The following SPTSSA variants were observed in gnomAD, a reference collection of about 807,000 sequenced individuals.
SPTSSA encodes the protein small subunit of serine palmitoyltransferase A.
In SPTSSA, 8 loss-of-function variants were observed where a neutral mutation model predicts 9.1. The observed-to-expected ratio is 0.88, with a 90% CI of 0.51 to 1.58. The LOEUF (loss-of-function observed/expected upper bound fraction) is 1.58, where lower values mean the gene tolerates loss of function less well. Among genes scored for constraint, SPTSSA ranks in the 40% most tolerant of loss-of-function variants. SPTSSA has a pLI of 0.00. For synonymous variants in SPTSSA, 42 were observed against 37.7 expected (o/e 1.11, Z -0.41); for missense variants, 100 against 93.8 (o/e 1.07, Z -0.27).
intron 1 of SPTSSA, 109 bp downstream of exon 1, chr14:34,461,987 G>C (rs1392234777): frequency 1.4e-5 from 9 of 646,702 alleles, no homozygotes; most frequent in Non-Finnish European, 1.7e-5. Flanking sequence ...GCACAGGACC[G>C]GCGGGGCCGC....
chr14:34,439,203 A>G (rs1007231203), intron 1 of SPTSSA, among the ~76,000 whole-genome samples: 3 of 152,314 alleles, frequency 2.0e-5, no homozygotes, highest in African/African-American at 7.2e-5. Context: ...TTATCTGTCA[A>G]TCATTGGTTA....
At chr14:34,435,383 T>G in intron 1 of SPTSSA, 79 bp from the exon 2 acceptor site, 1 of 973,602 alleles carries the variant, frequency 1.0e-6, no homozygotes, top group South Asian at 1.6e-5. Flanking sequence ...AACTCTTTTA[T>G]GCTGAAGTAC....
At chr14:34,460,377 G>A (rs191218651) in intron 1 of SPTSSA, among the ~76,000 whole-genome samples, 19 of 151,896 alleles carry the variant, frequency 1.3e-4, no homozygotes, top group Non-Finnish European at 5.9e-5. Flanking sequence ...ACTACTTGTC[G>A]CTAAACCATG....
chr14:34,447,700 C>A (rs1387036279), intron 1 of SPTSSA, among the ~76,000 whole-genome samples: 1 of 152,140 alleles, frequency 6.6e-6, no homozygotes, highest in Non-Finnish European at 1.5e-5. Context: ...CCCCAACAGA[C>A]CAAACCAAAC....
intron 1 of SPTSSA, among the ~76,000 whole-genome samples, chr14:34,461,754 CAG>C (rs1418527194): frequency 6.6e-6 from 1 of 152,222 alleles, no homozygotes; most frequent in African/African-American, 2.4e-5. Flanking sequence ...CCTACAGGAA[CAG>C]GGGACTGAAC....
At chr14:34,438,510 A>G (rs116061618) in intron 1 of SPTSSA, among the ~76,000 whole-genome samples, 1,741 of 152,248 alleles carry the variant, frequency 0.011, 35 homozygotes, top group African/African-American at 0.039. Context: ...CTGCAGACAG[A>G]TATTTCTACC....
chr14:34,439,314 C>CA (rs556039100), intron 1 of SPTSSA, among the ~76,000 whole-genome samples: 35 of 152,108 alleles, frequency 2.3e-4, no homozygotes, highest in Non-Finnish European at 4.6e-4. Context: ...AGCCAACACT[C>CA]ACGGAGGCTT....
At chr14:34,443,232 TGTGTG>T in intron 1 of SPTSSA, among the ~76,000 whole-genome samples, 1 of 89,346 alleles carries the variant, frequency 1.1e-5, no homozygotes, top group African/African-American at 5.3e-5. Context: ...TGTGTGTGTG[TGTGTG>T]TTTTGAGATG....
chr14:34,454,459 C>T (rs1883578588), intron 1 of SPTSSA, among the ~76,000 whole-genome samples: 3 of 152,154 alleles, frequency 2.0e-5, no homozygotes, highest in South Asian at 4.1e-4. Flanking sequence ...TCAACCTTTA[C>T]CAACCAAAAA....
chr14:34,461,148 T>C (rs1878608051), intron 1 of SPTSSA, among the ~76,000 whole-genome samples: 1 of 152,200 alleles, frequency 6.6e-6, no homozygotes, highest in African/African-American at 2.4e-5. Context: ...ACTAAACATG[T>C]TTTGTGAAAT....
Position 34,462,192 on chromosome 14 carries a change from G to A in SPTSSA, c.16C>T (p.Leu6=), listed in dbSNP as rs770508603. Residue 6 remains leucine, a synonymous_variant, in exon 1 of 2, where the codon CTG becomes TTG. Transcript: ENST00000298130. ...GACATCTGCTTCCAGGCCCGCGCCA[G>A]CGCCATCCCCGCCATGCGCCTCCCG... The part of the protein sequence containing the change: MAGMA[L]ARAWKQMSWF... The A allele has an allele frequency of 1.1e-5, 17 of 1,531,776 alleles. No homozygotes were observed. The highest frequency in any genetic ancestry group is 1.4e-5 in the Non-Finnish European group (16 of 1,135,878). 94.9% of individuals were successfully genotyped at this position (1,531,776 alleles called of 1,614,324 possible).
At chr14:34,441,423 C>T (rs923569693) in intron 1 of SPTSSA, among the ~76,000 whole-genome samples, 4 of 152,206 alleles carry the variant, frequency 2.6e-5, no homozygotes, top group Admixed American at 2.6e-4. Context: ...CTTTGAGCCC[C>T]TATGCTCAAG....
chr14:34,456,853 C>T (rs918808792), intron 1 of SPTSSA, among the ~76,000 whole-genome samples: 4 of 149,794 alleles, frequency 2.7e-5, no homozygotes, highest in Admixed American at 1.3e-4. Flanking sequence ...GAGCCAAGAT[C>T]GCGCCACTGC....
intron 1 of SPTSSA, among the ~76,000 whole-genome samples, chr14:34,437,150 T>C (rs1029647858): frequency 1.3e-5 from 2 of 152,210 alleles, no homozygotes; most frequent in East Asian, 3.8e-4. Flanking sequence ...TTTATGCCTG[T>C]AGTGCCAGCT....
rs150743484 is a variant in SPTSSA at position 34,457,024 on chromosome 14, G to C, written c.112+5072C>G. Among the ~76,000 whole-genome samples, 873 of 150,570 alleles carry C rather than the reference G, an allele frequency of 5.8e-3. 6 individuals carry two copies. The highest frequency in any genetic ancestry group is 0.02 in the African/African-American group (822 of 41,050). On this transcript the variant is annotated intron_variant, in intron 1 of 1. Coordinates refer to ENST00000298130, the MANE Select transcript of SPTSSA (RefSeq NM_138288.4). Reference sequence around the variant, plus strand: ...ACGGAGCATTTGCTCTGTTGCCCAGGCTGGAGTACAATGGCACAATCTTGG... The same window carrying C: ...ACGGAGCATTTGCTCTGTTGCCCAGCCTGGAGTACAATGGCACAATCTTGG...
At chr14:34,439,735 G>A (rs979354193) in intron 1 of SPTSSA, among the ~76,000 whole-genome samples, 2 of 152,172 alleles carry the variant, frequency 1.3e-5, no homozygotes, top group Non-Finnish European at 2.9e-5. Flanking sequence ...CTTTGTGAAT[G>A]TCTAGTGTGT....
intron 1 of SPTSSA, among the ~76,000 whole-genome samples, chr14:34,458,492 A>G (rs2138836528): frequency 7.0e-6 from 1 of 143,504 alleles, no homozygotes; most frequent in South Asian, 2.2e-4. Flanking sequence ...CCTAAGATCG[A>G]CTTTCTTTTT....
At chr14:34,435,566 C>T (rs1178690712) in intron 1 of SPTSSA, among the ~76,000 whole-genome samples, 1 of 150,402 alleles carries the variant, frequency 6.6e-6, no homozygotes. Context: ...TACTGTTATT[C>T]TCCCTGTGTA....
At chr14:34,452,164 T>C (rs1317154807) in intron 1 of SPTSSA, among the ~76,000 whole-genome samples, 1 of 150,416 alleles carries the variant, frequency 6.6e-6, no homozygotes, top group Non-Finnish European at 1.5e-5. Flanking sequence ...CATGAGAATT[T>C]GAACCCGGGA....
Sources: allele counts gnomAD v4.1 joint callset (sites outside exome capture counted in the v4.1 genomes callset), GRCh38; gene constraint gnomAD v4.1.1; transcripts MANE v1.5; gene names NCBI Gene and HGNC (gene_info 2026-07-23, HGNC 2026-07-21).